The following NCAPD3 variants were observed in gnomAD, a reference collection of about 807,000 sequenced individuals.
NCAPD3 encodes the protein condensin-2 complex subunit D3.
In NCAPD3, 105 loss-of-function variants were observed where a neutral mutation model predicts 182.9. The ratio of observed to expected loss-of-function variants is 0.57; its 90% CI spans 0.49 to 0.68. NCAPD3 has a LOEUF of 0.68. Among genes scored for constraint, NCAPD3 ranks in the 30% least tolerant of loss-of-function variants. The pLI, the probability that NCAPD3 is intolerant of heterozygous loss-of-function variation, is 0.00. For synonymous variants in NCAPD3, 815 were observed against 679.9 expected, an observed-to-expected ratio of 1.20 and a Z score of -3.09; for missense variants, 1,944 against 1,837.0, an observed-to-expected ratio of 1.06 and a Z score of -1.07.
intron 16 of NCAPD3, among the ~76,000 whole-genome samples, chr11:134,192,025 A>T (rs1426292023): frequency 6.6e-6 from 1 of 152,140 alleles, no homozygotes; most frequent in African/African-American, 2.4e-5. Flanking sequence ...GCATGTTTGG[A>T]TTTTAGATTT....
In NCAPD3 at chr11:134,168,119, G is replaced by C. The variant is rs1020922076; in HGVS notation, c.3450C>G (p.Ser1150Arg). ...ELLSDTFEVLSSKEIKLLAMR... is the reference protein window; with the variant it reads ...ELLSDTFEVLRSKEIKLLAMR... ...TTGCCAAAAGCTTGATCTCCTTTGA[G>C]CTGAGGACCTCAAACGTGTCTGAGA... The change falls in exon 27 of 35, where the codon AGC (serine) becomes AGG (arginine). Residue 1150 changes from serine to arginine, a missense_variant. Ser to Arg is a moderately radical substitution (Grantham distance 110). Coordinates refer to ENST00000534548, the MANE Select transcript of NCAPD3 (RefSeq NM_015261.3). 6.2e-7 allele frequency: 1 copy of C among 1,614,154 alleles called. No homozygotes were observed. The highest frequency in any genetic ancestry group is 1.7e-5 in the Admixed American group (1 of 60,016).
At position 134,152,709 on chromosome 11, in the gene NCAPD3, CAG is replaced by C; in HGVS notation, c.*233_*234del. The C allele has an allele frequency of 2.4e-6, 1 of 422,248 alleles. No individual in the cohort carries two copies. The highest frequency in any genetic ancestry group is 7.6e-5 in the South Asian group (1 of 13,110). 26.2% of individuals were successfully genotyped at this position (422,248 alleles called of 1,614,324 possible). On this transcript the variant is annotated 3_prime_UTR_variant, in exon 35 of 35. Coordinates refer to ENST00000534548, the MANE Select transcript of NCAPD3 (RefSeq NM_015261.3). ...AATGGAATAAAGTTACAATATTAAACAGATTAGGGTAAGAAAATCTAAATCTG... is the reference window on the plus strand; with the variant it reads ...AATGGAATAAAGTTACAATATTAAACATTAGGGTAAGAAAATCTAAATCTG...
At chr11:134,166,715 A>G (rs1943818906) in intron 27 of NCAPD3, among the ~76,000 whole-genome samples, 1 of 93,016 alleles carries the variant, frequency 1.1e-5, no homozygotes, top group Non-Finnish European at 2.1e-5. Context: ...GCTTAGGGAG[A>G]GCAGCACACT....
chr11:134,153,670 C>G (rs1216270544), intron 32 of NCAPD3: 1 of 440,814 alleles, frequency 2.3e-6, no homozygotes, highest in South Asian at 2.3e-5. Context: ...TCCCGGTGAC[C>G]GCCCTGTCCC....
intron 21 of NCAPD3, 39 bp downstream of exon 21, chr11:134,178,783 C>T (rs112478023): frequency 1.7e-5 from 28 of 1,608,010 alleles, no homozygotes; most frequent in South Asian, 5.5e-5. Context: ...AACCTTGAAA[C>T]GGCATGCGTG....
intron 2 of NCAPD3, 103 bp from the exon 3 acceptor site, chr11:134,217,201 T>C (rs953418345): frequency 9.2e-7 from 1 of 1,085,834 alleles, no homozygotes; most frequent in Non-Finnish European, 1.2e-6. Flanking sequence ...AAAAGAGGAA[T>C]AGAGTAGCCT....
At chr11:134,213,407 C>T (rs1182959273) in intron 3 of NCAPD3, among the ~76,000 whole-genome samples, 1 of 151,764 alleles carries the variant, frequency 6.6e-6, no homozygotes, top group Non-Finnish European at 1.5e-5. Context: ...GCAACCTCTA[C>T]TGCCTGGGTT....
Position 134,205,956 on chromosome 11 carries a change from CCAT to C in NCAPD3, c.1016+640_1016+642del, listed in dbSNP as rs559789905. Among the ~76,000 whole-genome samples the C allele has an allele frequency of 3.4e-3, 523 of 152,274 alleles. 2 individuals carry two copies. Among genetic ancestry groups the C allele is most frequent in the African/African-American group, 0.012 (479 of 41,562 alleles). On this transcript the variant is annotated intron_variant, in intron 8 of 34. Coordinates refer to ENST00000534548, the MANE Select transcript of NCAPD3 (RefSeq NM_015261.3). The stretch of plus-strand genomic sequence containing the variant: ...GCATGCACACACTTGCACATGCACA[CCAT>C]GTCTCGGCACCACCTCCACACTGCA...
intron 16 of NCAPD3, among the ~76,000 whole-genome samples, chr11:134,188,101 G>A (rs1421570597): frequency 6.6e-6 from 1 of 152,178 alleles, no homozygotes; most frequent in Non-Finnish European, 1.5e-5. Context: ...TCTAGCTAGA[G>A]GATTGTAAGC....
chr11:134,167,224 T>A (rs1943858720), intron 27 of NCAPD3, among the ~76,000 whole-genome samples: 1 of 105,422 alleles, frequency 9.5e-6, no homozygotes, highest in African/African-American at 3.8e-5. Context: ...ACTCGTGAGA[T>A]GAGCTTGGGG....
intron 24 of NCAPD3, among the ~76,000 whole-genome samples, chr11:134,175,389 C>T (rs1022776296): frequency 6.6e-6 from 1 of 152,152 alleles, no homozygotes; most frequent in South Asian, 2.1e-4. Context: ...AAGGTGACAG[C>T]CTTAGCTTTT....
intron 28 of NCAPD3, among the ~76,000 whole-genome samples, 154 bp downstream of exon 28, chr11:134,161,627 C>A (rs1343835019): frequency 6.6e-6 from 1 of 152,190 alleles, no homozygotes; most frequent in Non-Finnish European, 1.5e-5. Context: ...CACAGCCAAC[C>A]CCTAGCTCCA....
rs1160543199 is a variant in NCAPD3 at position 134,203,800 on chromosome 11, T to C, written c.1322A>G (p.His441Arg). 2.5e-6 allele frequency: 4 copies of C among 1,614,102 alleles called. No individual in the cohort carries two copies. Among genetic ancestry groups the C allele is most frequent in the East Asian group, 2.2e-5 (1 of 44,894 alleles). ...CATAATTTCCTGCACCAGGAACTTA[T>C]GCTTTAAGAACTTCTGATGCTCCAA... ...LSLEHQKFLK[H>R]KFLVQEIMFD... is the part of the protein sequence containing the mutation. The change falls in exon 11 of 35, where the codon CAT (histidine) becomes CGT (arginine). Residue 441 changes from histidine (H) to arginine (R), a missense_variant. This residue lies in a region of NCAPD3 where 1,803 missense variants were observed against 1,674.6 expected (regional missense o/e 1.08). Coordinates refer to ENST00000534548, the MANE Select transcript of NCAPD3 (RefSeq NM_015261.3).
chr11:134,199,756 TTTG>T (rs1944709347), intron 13 of NCAPD3, among the ~76,000 whole-genome samples: 9 of 152,328 alleles, frequency 5.9e-5, no homozygotes, highest in African/African-American at 2.2e-4. Flanking sequence ...AATAAACTTG[TTTG>T]TCTTGTTATG....
intron 22 of NCAPD3, 126 bp downstream of exon 22, chr11:134,178,508 C>A: frequency 1.4e-6 from 1 of 692,700 alleles, no homozygotes; most frequent in South Asian, 2.8e-5. Context: ...CCTCTAGGAA[C>A]CACATGGCTG....
At position 134,174,469 on chromosome 11, in the gene NCAPD3, A is replaced by T. The variant is rs180986331; in HGVS notation, c.3101+1838T>A. Among the ~76,000 whole-genome samples, 161 of 151,896 alleles carry T rather than the reference A, an allele frequency of 1.1e-3. 2 individuals are homozygous for T. The highest frequency in any genetic ancestry group is 3.5e-3 in the Admixed American group (54 of 15,248). On this transcript the variant is annotated intron_variant, in intron 24 of 34. Coordinates refer to ENST00000534548, the MANE Select transcript of NCAPD3 (RefSeq NM_015261.3). The stretch of plus-strand genomic sequence containing the variant: ...CGTAGCCTTTGGCCTAAAAATCAAA[A>T]GTCAGGCACAGAAAGATACATATAT...
At chr11:134,209,647 A>G in intron 4 of NCAPD3, 170 bp from the exon 5 acceptor site, 3 of 596,608 alleles carry the variant, frequency 5.0e-6, no homozygotes, top group Non-Finnish European at 8.7e-6. Flanking sequence ...TGGCCACAAC[A>G]GTAAATCACT....
upstream of NCAPD3, chr11:134,224,978 C>T (rs1352024348): frequency 1.0e-5 from 6 of 602,170 alleles, no homozygotes; most frequent in Non-Finnish European, 1.4e-5. Context: ...GCGCCCACTG[C>T]CCGGCGGCAG....
At chr11:134,193,561 T>C (rs1278041690) in intron 15 of NCAPD3, among the ~76,000 whole-genome samples, 1 of 152,216 alleles carries the variant, frequency 6.6e-6, no homozygotes, top group Non-Finnish European at 1.5e-5. Context: ...AAGACCAGCC[T>C]GGCCAACATA....
Sources: gnomAD v4.1 joint callset for allele counts (sites outside exome capture counted in the v4.1 genomes callset) on GRCh38, gnomAD v4.1.1 for gene constraint, gnomAD v4.1.1 regional missense constraint, MANE v1.5 for transcripts, NCBI Gene and HGNC (gene_info 2026-07-23, HGNC 2026-07-21) for gene names.